Variants in KCNH5 observed in about 807,000 individuals in gnomAD.
KCNH5 encodes the protein voltage-gated delayed rectifier potassium channel KCNH5.
In KCNH5, 46 loss-of-function variants were observed where a neutral mutation model predicts 96.1. The observed-to-expected ratio is 0.48, with a 90% CI of 0.38 to 0.61. The LOEUF (loss-of-function observed/expected upper bound fraction) is 0.61. Among genes scored for constraint, KCNH5 ranks in the 20% least tolerant of loss-of-function variants. The pLI, the probability that KCNH5 is intolerant of heterozygous loss-of-function variation, is 0.00. For synonymous variants in KCNH5, 439 were observed against 449.8 expected, an observed-to-expected ratio of 0.98 and a Z score of 0.30; for missense variants, 907 against 1,225.8, an observed-to-expected ratio of 0.74 and a Z score of 3.88.
At chr14:62,746,409 A>G (rs887993299) in intron 10 of KCNH5, among the ~76,000 whole-genome samples, 1 of 152,242 alleles carries the variant, frequency 6.6e-6, no homozygotes, top group Non-Finnish European at 1.5e-5. Flanking sequence ...AACAATGCAC[A>G]AAAAAGAATT....
intron 10 of KCNH5, among the ~76,000 whole-genome samples, chr14:62,759,632 T>A (rs1411092978): frequency 2.7e-5 from 4 of 148,928 alleles, no homozygotes; most frequent in African/African-American, 9.8e-5. Flanking sequence ...CCTGATTGAA[T>A]TTTTGAATTT....
At chr14:62,958,155 A>C (rs1477033281) in intron 6 of KCNH5, among the ~76,000 whole-genome samples, 3 of 152,222 alleles carry the variant, frequency 2.0e-5, no homozygotes, top group South Asian at 2.1e-4. Context: ...GTAAGATTTA[A>C]TATACAATTG....
intron 9 of KCNH5, among the ~76,000 whole-genome samples, chr14:62,794,456 C>T (rs1886498562): frequency 6.6e-6 from 1 of 151,518 alleles, no homozygotes; most frequent in African/African-American, 2.4e-5. Context: ...AATTAAAATC[C>T]TGTACCCACC....
chr14:62,871,085 A>T (rs141833397), intron 7 of KCNH5, among the ~76,000 whole-genome samples: 112 of 152,322 alleles, frequency 7.4e-4, no homozygotes, highest in African/African-American at 2.6e-3. Flanking sequence ...TTGTGAAGAA[A>T]ATGAAAAGTC....
chr14:62,926,707 G>A (rs563576484), intron 7 of KCNH5, among the ~76,000 whole-genome samples: 4 of 152,160 alleles, frequency 2.6e-5, no homozygotes, highest in African/African-American at 9.6e-5. Context: ...CTTCTTATGA[G>A]GAGACCAGCT....
At chr14:62,988,876 A>G (rs1193967521) in intron 4 of KCNH5, among the ~76,000 whole-genome samples, 1 of 151,914 alleles carries the variant, frequency 6.6e-6, no homozygotes, top group Non-Finnish European at 1.5e-5. Context: ...AACACTCAAC[A>G]TGTCCAAAAC....
intron 7 of KCNH5, among the ~76,000 whole-genome samples, chr14:62,875,749 G>A (rs1461711271): frequency 6.6e-6 from 1 of 152,236 alleles, no homozygotes; most frequent in Non-Finnish European, 1.5e-5. Flanking sequence ...AGGCGCAGTG[G>A]CTCATGCCTG....
chr14:62,900,494 A>T (rs1888903248), intron 7 of KCNH5, among the ~76,000 whole-genome samples: 1 of 152,216 alleles, frequency 6.6e-6, no homozygotes, highest in South Asian at 2.1e-4. Context: ...ATGGGAAGTG[A>T]TTATAATAGC....
intron 5 of KCNH5, among the ~76,000 whole-genome samples, chr14:62,982,199 C>T (rs1566729856): frequency 6.6e-6 from 1 of 152,038 alleles, no homozygotes; most frequent in African/African-American, 2.4e-5. Context: ...CGTGGTGGTG[C>T]GTGCCTATAA....
intron 1 of KCNH5, among the ~76,000 whole-genome samples, chr14:63,017,666 A>G (rs1891351249): frequency 6.6e-6 from 1 of 151,638 alleles, no homozygotes; most frequent in African/African-American, 2.4e-5. Flanking sequence ...GCAGTTTTGT[A>G]AACCACATGT....
intron 7 of KCNH5, among the ~76,000 whole-genome samples, chr14:62,875,944 A>G (rs918547487): frequency 4.6e-5 from 7 of 152,196 alleles, no homozygotes; most frequent in African/African-American, 1.4e-4. Flanking sequence ...CGAGGCAGGC[A>G]AATCATGAGG....
chr14:62,983,636 C>T (rs1890652432), intron 5 of KCNH5, among the ~76,000 whole-genome samples: 1 of 152,080 alleles, frequency 6.6e-6, no homozygotes, highest in Admixed American at 6.6e-5. Context: ...CAGGTCTCCT[C>T]TAAAGATGGA....
At chr14:62,780,376 A>C (rs531808658) in intron 9 of KCNH5, among the ~76,000 whole-genome samples, 40 of 152,298 alleles carry the variant, frequency 2.6e-4, no homozygotes, top group African/African-American at 9.1e-4. Context: ...CACATTATTC[A>C]GTAACTATGT....
intron 10 of KCNH5, among the ~76,000 whole-genome samples, chr14:62,764,575 C>T (rs1258355740): frequency 6.6e-6 from 1 of 152,142 alleles, no homozygotes; most frequent in Admixed American, 6.5e-5. Flanking sequence ...GAGAGGAAGT[C>T]AAACTATCTC....
chr14:62,724,944 C>T (rs1884891964), intron 10 of KCNH5, among the ~76,000 whole-genome samples: 2 of 152,216 alleles, frequency 1.3e-5, no homozygotes, highest in Non-Finnish European at 2.9e-5. Flanking sequence ...CACAGCAAAG[C>T]CGGCAGAGGC....
intron 10 of KCNH5, among the ~76,000 whole-genome samples, chr14:62,764,426 G>C (rs1254589789): frequency 1.3e-5 from 2 of 152,098 alleles, no homozygotes; most frequent in Non-Finnish European, 2.9e-5. Context: ...ATACTGACTA[G>C]GCAAAATGGG....
rs183590719 is a variant in KCNH5 at position 62,742,753 on chromosome 14, C to T, written c.2020-34298G>A. 2.0e-3 allele frequency among the ~76,000 whole-genome samples: 312 copies of T among 152,204 alleles called. 2 individuals are homozygous for T. Among genetic ancestry groups the T allele is most frequent in the Admixed American group, 3.7e-3 (57 of 15,280 alleles). On this transcript the variant is annotated intron_variant, in intron 10 of 10. Coordinates refer to ENST00000322893, the MANE Select transcript of KCNH5 (RefSeq NM_139318.5). ...AGGCAACATGGAGGAGATGCCATGG[C>T]GCCATTAATTTGGCAGAAGGCCCTT...
intron 8 of KCNH5, among the ~76,000 whole-genome samples, chr14:62,833,342 C>T (rs1451547334): frequency 1.3e-5 from 2 of 151,806 alleles, no homozygotes; most frequent in African/African-American, 4.8e-5. Flanking sequence ...GGTTTAAGTT[C>T]ATTATTTTGA....
chr14:62,788,655 C>T (rs112271073), intron 9 of KCNH5, among the ~76,000 whole-genome samples: 6 of 152,116 alleles, frequency 3.9e-5, no homozygotes, highest in African/African-American at 1.4e-4. Context: ...AAGAAATTGC[C>T]CCCTCTATTC....
Sources: allele counts gnomAD v4.1 joint callset (sites outside exome capture counted in the v4.1 genomes callset), GRCh38; gene constraint gnomAD v4.1.1; transcripts MANE v1.5; gene names NCBI Gene and HGNC (gene_info 2026-07-23, HGNC 2026-07-21).